Variants in KAZN observed in about 807,000 individuals in gnomAD.
KAZN encodes the protein kazrin, periplakin interacting protein.
In KAZN, 40 loss-of-function variants were observed where a neutral mutation model predicts 87.4. The observed-to-expected ratio is 0.46, with a 90% CI of 0.36 to 0.60. The LOEUF is 0.60. Among genes scored for constraint, KAZN ranks in the 20% least tolerant of loss-of-function variants. KAZN has a pLI of 0.00. For synonymous variants in KAZN, 466 were observed against 458.3 expected, an observed-to-expected ratio of 1.02 and a Z score of -0.22; for missense variants, 898 against 1,073.9, an observed-to-expected ratio of 0.84 and a Z score of 2.29.
intron 1 of KAZN, among the ~76,000 whole-genome samples, chr1:13,942,804 A>G (rs1275087439): frequency 6.6e-6 from 1 of 152,206 alleles, no homozygotes; most frequent in Non-Finnish European, 1.5e-5. Flanking sequence ...TAGAATCTAT[A>G]AAAATTAGAT....
At chr1:14,050,565 T>C (rs949803082) in intron 1 of KAZN, among the ~76,000 whole-genome samples, 4 of 152,118 alleles carry the variant, frequency 2.6e-5, no homozygotes, top group African/African-American at 9.7e-5. Context: ...CTCCTGAGAA[T>C]TCACTCACTC....
chr1:15,091,065 C>T (rs1203393174), intron 8 of KAZN, among the ~76,000 whole-genome samples: 1 of 152,098 alleles, frequency 6.6e-6, no homozygotes, highest in African/African-American at 2.4e-5. Flanking sequence ...ATAGTCAATG[C>T]AGAAAACTTG....
intron 1 of KAZN, among the ~76,000 whole-genome samples, chr1:14,766,923 A>T (rs1453452891): frequency 6.6e-6 from 1 of 152,024 alleles, no homozygotes; most frequent in South Asian, 2.1e-4. Context: ...TTGGAGCTAC[A>T]ACAGAGAAAT....
intron 2 of KAZN, among the ~76,000 whole-genome samples, chr1:14,547,826 C>T (rs925535876): frequency 2.6e-5 from 4 of 151,874 alleles, no homozygotes; most frequent in Non-Finnish European, 5.9e-5. Flanking sequence ...CCTGACCTTG[C>T]GATCTGCCCG....
intron 2 of KAZN, among the ~76,000 whole-genome samples, chr1:14,300,743 G>C (rs952399377): frequency 6.6e-6 from 1 of 152,198 alleles, no homozygotes; most frequent in African/African-American, 2.4e-5. Context: ...AGGTGGCTCA[G>C]TCACCAGATC....
At chr1:14,123,950 C>A (rs1214503171) in intron 1 of KAZN, among the ~76,000 whole-genome samples, 1 of 152,184 alleles carries the variant, frequency 6.6e-6, no homozygotes. Context: ...TCAGTGATGA[C>A]AAATGTGTGG....
chr1:14,945,519 G>A (rs927096368), intron 1 of KAZN, among the ~76,000 whole-genome samples: 1 of 152,180 alleles, frequency 6.6e-6, no homozygotes, highest in African/African-American at 2.4e-5. Context: ...CGCACTGGCG[G>A]CCAGTCTGTC....
At chr1:14,825,756 CT>C (rs1164971790) in intron 1 of KAZN, among the ~76,000 whole-genome samples, 3 of 152,318 alleles carry the variant, frequency 2.0e-5, no homozygotes, top group Non-Finnish European at 2.9e-5. Flanking sequence ...CCTGTGTGTT[CT>C]TCATACCTTA....
intron 2 of KAZN, among the ~76,000 whole-genome samples, chr1:14,567,544 C>T (rs953672107): frequency 6.6e-6 from 1 of 152,140 alleles, no homozygotes. Context: ...ATATGTAATA[C>T]CTGCAAGGTA....
rs3085672 is a variant in KAZN at position 14,340,888 on chromosome 1, C to CTTTTTTTTTTTTTTTTTTTTTTTTTTT, written c.249+160313_249+160314insTTTTTTTTTTTTTTTTTTTTTTTTTTT. ...ATCTCCGTAAGGGTCATGATTTTCC[C>CTTTTTTTTTTTTTTTTTTTTTTTTTTT]TTTTTTTTTTTTTTTTTGAGATGGA... On this transcript the variant is annotated intron_variant, in intron 2 of 16. Transcript: ENST00000636203. Among the ~76,000 whole-genome samples the CTTTTTTTTTTTTTTTTTTTTTTTTTTT allele has an allele frequency of 1.9e-5, 2 of 103,172 alleles. 1 individual carries two copies. The highest frequency in any genetic ancestry group is 3.5e-5 in the Non-Finnish European group (2 of 56,850). 67.7% of individuals were successfully genotyped at this position (103,172 alleles called of 152,430 possible). A position where few individuals can be genotyped will look rare whatever the true frequency, so the allele number is the denominator to read the frequency against.
intron 2 of KAZN, among the ~76,000 whole-genome samples, chr1:14,564,239 G>A (rs1196544267): frequency 2.0e-5 from 3 of 151,986 alleles, no homozygotes; most frequent in Non-Finnish European, 4.4e-5. Flanking sequence ...CCCTTCCACA[G>A]TTTGTCCACC....
Position 15,060,277 on chromosome 1 carries a change from G to T in KAZN, c.1022G>T (p.Arg341Leu). The change falls in exon 6 of 15, where the codon CGA becomes CTA. Residue 341 changes from arginine to leucine, a missense_variant. Around this residue, in one of 3 missense-constraint regions of KAZN, gnomAD observed 521 missense variants for 689.4 expected, o/e 0.76. Transcript: ENST00000376030. ...SSTPSDINSP[R>L]HRTHSLCNGD... ...ACACCGAGCGACATCAACTCCCCTC[G>T]ACACCGGACACACTCCCTCTGCAAC... The T allele has an allele frequency of 6.2e-7, 1 of 1,614,142 alleles. No individual in the cohort carries two copies. Among genetic ancestry groups the T allele is most frequent in the Non-Finnish European group, 8.5e-7 (1 of 1,180,006 alleles).
At chr1:14,722,970 T>A (rs1259361153) in intron 1 of KAZN, among the ~76,000 whole-genome samples, 2 of 151,958 alleles carry the variant, frequency 1.3e-5, no homozygotes, top group Non-Finnish European at 2.9e-5. Flanking sequence ...AAAATTTTTT[T>A]AAAAACTTAG....
In KAZN at chr1:14,225,807, T is replaced by G. The variant is rs149002923; in HGVS notation, c.249+45215T>G. The stretch of plus-strand genomic sequence containing the variant: ...GTACTGGAATAATTGGCCAGCCATA[T>G]GCAGAGAATATTGAAACTGGACCCT... On this transcript the variant is annotated intron_variant, in intron 2 of 16. Coordinates refer to the KAZN transcript ENST00000636203. 1.2e-3 allele frequency among the ~76,000 whole-genome samples: 181 copies of G among 152,296 alleles called. 1 individual carries two copies. Among genetic ancestry groups the G allele is most frequent in the Middle Eastern group, 6.8e-3 (2 of 294 alleles).
chr1:14,670,261 T>G (rs997776415), intron 1 of KAZN, among the ~76,000 whole-genome samples: 9 of 152,174 alleles, frequency 5.9e-5, no homozygotes, highest in African/African-American at 2.2e-4. Context: ...GCCCACCTCC[T>G]GAAGGCATTT....
intron 2 of KAZN, among the ~76,000 whole-genome samples, chr1:14,446,187 C>A (rs113056393): frequency 7.2e-4 from 109 of 152,224 alleles, no homozygotes; most frequent in East Asian, 1.5e-3. Context: ...CAGAGCAAGA[C>A]CCTGTCTCAG....
intron 2 of KAZN, among the ~76,000 whole-genome samples, chr1:14,447,775 A>T (rs565798829): frequency 9.9e-4 from 150 of 152,120 alleles, no homozygotes; most frequent in Admixed American, 1.3e-3. Flanking sequence ...AGATGCCCTG[A>T]CTACTTCAAA....
intron 1 of KAZN, among the ~76,000 whole-genome samples, chr1:14,082,551 A>T (rs770454112): frequency 6.6e-6 from 1 of 152,146 alleles, no homozygotes; most frequent in African/African-American, 2.4e-5. Flanking sequence ...TGTTCTGGGC[A>T]TCTGATCAAG....
At position 14,416,930 on chromosome 1, in the gene KAZN, A is replaced by G. The variant is rs1054019284; in HGVS notation, c.250-182053A>G. ...CATAACGAAACCCTATTCTGCCTAT[A>G]TATGTGTGTGAGCGTGTATATGTGT... On this transcript the variant is annotated intron_variant, in intron 2 of 16. Coordinates refer to the KAZN transcript ENST00000636203. Among the ~76,000 whole-genome samples, 9 of 151,780 alleles carry G rather than the reference A, an allele frequency of 5.9e-5. No homozygotes were observed. In the South Asian group the frequency reaches 8.4e-4, roughly 14 times the overall value.
Sources: gnomAD v4.1 joint callset for allele counts (sites outside exome capture counted in the v4.1 genomes callset) on GRCh38, gnomAD v4.1.1 for gene constraint, gnomAD v4.1.1 regional missense constraint, MANE v1.5 for transcripts, NCBI Gene and HGNC (gene_info 2026-07-23, HGNC 2026-07-21) for gene names.